Variants in KCNK2 observed in about 807,000 individuals in gnomAD.
KCNK2 encodes potassium two pore domain channel subfamily K member 2.
Under a neutral mutation model 40.5 loss-of-function variants are expected in KCNK2, and 21 were observed. The ratio of observed to expected loss-of-function variants is 0.52; its 90% CI spans 0.37 to 0.75. The LOEUF is 0.75. Ranked by LOEUF, KCNK2 falls within the 30% of genes least tolerant of loss-of-function variation. KCNK2 has a pLI of 0.00. For missense variants in KCNK2, 399 were observed against 531.6 expected (o/e 0.75, Z 2.45); for synonymous variants, 191 against 202.2 (o/e 0.94, Z 0.47).
chr1:215,143,736 G>A (rs1662288063), intron 3 of KCNK2, among the ~76,000 whole-genome samples: 5 of 152,022 alleles, frequency 3.3e-5, no homozygotes, highest in Admixed American at 2.6e-4. Context: ...AGCCAGACCT[G>A]TATTGAATTA....
intron 1 of KCNK2, among the ~76,000 whole-genome samples, chr1:215,038,146 T>G (rs919557805): frequency 2.6e-5 from 4 of 152,020 alleles, no homozygotes; most frequent in Non-Finnish European, 4.4e-5. Flanking sequence ...TCTTCAACTT[T>G]TCAGAGATTA....
intron 2 of KCNK2, among the ~76,000 whole-genome samples, chr1:215,091,476 C>G (rs1373846069): frequency 6.6e-6 from 1 of 152,082 alleles, no homozygotes; most frequent in Non-Finnish European, 1.5e-5. Flanking sequence ...TGATAGTGGC[C>G]TTTAAAAACA....
At chr1:215,194,888 C>T in intron 5 of KCNK2, 65 bp from the exon 6 acceptor site, 1 of 1,464,610 alleles carries the variant, frequency 6.8e-7, no homozygotes. Context: ...GTAATTTTAG[C>T]AATACCTAGA....
rs1361438862 is a variant in KCNK2, at chr1:215,172,128, C to T, written c.768C>T (p.Ala256=). Residue 256 remains alanine (A), a synonymous_variant, in exon 5 of 7, where the codon GCC becomes GCT. Transcript: ENST00000444842. ...KHIEGWSALD[A]IYFVVITLTT... is the part of the protein sequence containing the mutation. The stretch of plus-strand genomic sequence containing the variant: ...TAGAAGGCTGGAGTGCCCTGGACGC[C>T]ATTTATTTTGTGGTTATCACTCTAA... 3 of 1,613,300 alleles carry T rather than the reference C, an allele frequency of 1.9e-6. No individual in the cohort carries two copies. Among genetic ancestry groups the T allele is most frequent in the Non-Finnish European group, 2.5e-6 (3 of 1,179,632 alleles).
intron 1 of KCNK2, among the ~76,000 whole-genome samples, chr1:215,007,324 G>A (rs1238733967): frequency 6.7e-6 from 1 of 148,746 alleles, no homozygotes; most frequent in Non-Finnish European, 1.5e-5. Flanking sequence ...GAGGGTTGAT[G>A]GGTTGGACAA....
intron 3 of KCNK2, among the ~76,000 whole-genome samples, chr1:215,146,155 A>G (rs1363480017): frequency 6.6e-6 from 1 of 152,188 alleles, no homozygotes; most frequent in African/African-American, 2.4e-5. Context: ...GACTATGAGA[A>G]CAGCATGCAT....
At chr1:215,148,277 G>A (rs12136185) in intron 3 of KCNK2, among the ~76,000 whole-genome samples, 7,291 of 150,692 alleles carry the variant, frequency 0.048, 192 homozygotes, top group Middle Eastern at 0.13. Flanking sequence ...GTTTCTCCAC[G>A]TTGCCCAGGC....
intron 1 of KCNK2, among the ~76,000 whole-genome samples, chr1:215,038,617 G>A (rs1482094034): frequency 6.6e-6 from 1 of 151,984 alleles, no homozygotes; most frequent in African/African-American, 2.4e-5. Context: ...TTCCCAATGA[G>A]TTTGCTAAGG....
intron 2 of KCNK2, among the ~76,000 whole-genome samples, chr1:215,115,308 AT>A (rs1660883712): frequency 6.6e-6 from 1 of 152,112 alleles, no homozygotes. Context: ...ATGAATAGAG[AT>A]TAGTGACATT....
chr1:215,225,857 A>G (rs1343245944), intron 6 of KCNK2, among the ~76,000 whole-genome samples: 1 of 152,196 alleles, frequency 6.6e-6, no homozygotes, highest in East Asian at 1.9e-4. Flanking sequence ...TAAGAAACAG[A>G]ACAATGGTCC....
intron 1 of KCNK2, among the ~76,000 whole-genome samples, chr1:215,074,929 CTGGTA>C (rs1658875748): frequency 6.6e-6 from 1 of 152,246 alleles, no homozygotes; most frequent in African/African-American, 2.4e-5. Context: ...TGAACTTATT[CTGGTA>C]TAACAGAGTA....
chr1:215,169,084 C>G, intron 3 of KCNK2, 115 bp from the exon 4 acceptor site: 1 of 677,516 alleles, frequency 1.5e-6, no homozygotes, highest in East Asian at 2.7e-5. Flanking sequence ...GTATTCTTAA[C>G]TAGTCAAAAT....
intron 1 of KCNK2, among the ~76,000 whole-genome samples, chr1:215,007,047 GTGTATATATATA>G (rs1344597027): frequency 1.8e-4 from 21 of 115,424 alleles, no homozygotes; most frequent in African/African-American, 7.7e-4. Context: ...ATGTGTGTGT[GTGTATATATATA>G]TGTGTGTGTG....
At chr1:215,122,747 T>G (rs1661245728) in intron 2 of KCNK2, among the ~76,000 whole-genome samples, 1 of 136,582 alleles carries the variant, frequency 7.3e-6, no homozygotes, top group South Asian at 2.5e-4. Flanking sequence ...AATCTTTTTT[T>G]TTTTTTTTTT....
At chr1:215,166,450 A>G (rs1047333794) in intron 3 of KCNK2, among the ~76,000 whole-genome samples, 2 of 152,172 alleles carry the variant, frequency 1.3e-5, no homozygotes, top group African/African-American at 4.8e-5. Context: ...GGAACCACTA[A>G]TCCTAACTTT....
Position 215,028,232 on chromosome 1 carries a change from C to G in KCNK2, c.34+22277C>G, listed in dbSNP as rs12024284. Among the ~76,000 whole-genome samples the G allele has an allele frequency of 0.012, 1,883 of 151,970 alleles. 54 individuals carry two copies. In the East Asian group the frequency reaches 0.13, roughly 11 times the overall value. On this transcript the variant is annotated intron_variant, in intron 1 of 6. Coordinates refer to the KCNK2 transcript ENST00000391895. ...TGAAACCCCGTCTCTACTAAAAATA[C>G]AAAAATCAGCCGAGCGTGGTGGCGG...
chr1:215,101,562 G>T (rs1660219769), intron 2 of KCNK2, among the ~76,000 whole-genome samples: 1 of 151,914 alleles, frequency 6.6e-6, no homozygotes, highest in Admixed American at 6.6e-5. Context: ...AGGTAGACCT[G>T]GTAGGACAAG....
At chr1:215,221,130 GA>G (rs1229705739) in intron 6 of KCNK2, among the ~76,000 whole-genome samples, 1 of 152,230 alleles carries the variant, frequency 6.6e-6, no homozygotes, top group African/African-American at 2.4e-5. Flanking sequence ...AGCACTTTGA[GA>G]GGCCAAGGCC....
At chr1:215,229,829 C>T (rs1008912492) in intron 6 of KCNK2, among the ~76,000 whole-genome samples, 2 of 151,640 alleles carry the variant, frequency 1.3e-5, no homozygotes, top group African/African-American at 4.8e-5. Flanking sequence ...TTAATGTAAC[C>T]CGCTATAGGG....
Sources: gnomAD v4.1 joint callset for allele counts (sites outside exome capture counted in the v4.1 genomes callset) on GRCh38, gnomAD v4.1.1 for gene constraint, MANE v1.5 for transcripts, NCBI Gene and HGNC (gene_info 2026-07-23, HGNC 2026-07-21) for gene names.